The following DGKI variants were observed in gnomAD, a reference collection of about 807,000 sequenced individuals.
DGKI encodes the protein DAG kinase iota.
Under a neutral mutation model 147.5 loss-of-function variants are expected in DGKI, and 55 were observed. The ratio of observed to expected loss-of-function variants is 0.37; its 90% CI spans 0.30 to 0.47. The LOEUF is 0.47. Ranked by LOEUF, DGKI falls within the 20% of genes least tolerant of loss-of-function variation. The pLI, the probability that DGKI is intolerant of heterozygous loss-of-function variation, is 1.00. For synonymous variants in DGKI, 469 were observed against 477.1 expected (o/e 0.98, Z 0.22); for missense variants, 1,007 against 1,323.8 (o/e 0.76, Z 3.71).
chr7:137,673,858 A>G (rs1398782942), intron 3 of DGKI, among the ~76,000 whole-genome samples: 1 of 152,354 alleles, frequency 6.6e-6, no homozygotes, highest in African/African-American at 2.4e-5. Flanking sequence ...ACATGTTTGT[A>G]TAGCCTAGCC....
intron 1 of DGKI, among the ~76,000 whole-genome samples, chr7:137,802,257 G>A (rs749965608): frequency 2.6e-5 from 4 of 152,126 alleles, no homozygotes; most frequent in Non-Finnish European, 4.4e-5. Context: ...AGGTGGATGA[G>A]GGATAAAAGA....
At chr7:137,582,335 C>T (rs891611594) in intron 14 of DGKI, among the ~76,000 whole-genome samples, 10 of 151,386 alleles carry the variant, frequency 6.6e-5, no homozygotes, top group African/African-American at 2.4e-4. Flanking sequence ...AGTGGATGTG[C>T]GTTTTTCAAG....
At chr7:137,817,402 C>T (rs138037285) in intron 1 of DGKI, among the ~76,000 whole-genome samples, 2,253 of 152,282 alleles carry the variant, frequency 0.015, 73 homozygotes, top group African/African-American at 0.051. Context: ...TTAGAGGCCA[C>T]AAGATATATA....
At chr7:137,802,967 G>C (rs1797260493) in intron 1 of DGKI, among the ~76,000 whole-genome samples, 1 of 152,010 alleles carries the variant, frequency 6.6e-6, no homozygotes, top group Admixed American at 6.5e-5. Flanking sequence ...TAGTTTAGGA[G>C]GTAAAATAAG....
rs1563126028 is a variant in DGKI, at chr7:137,638,632, G to GTATATGTACACATATATGTA, written c.804+6839_804+6840insTACATATATGTGTACATATA. 9.5e-5 allele frequency among the ~76,000 whole-genome samples: 3 copies of GTATATGTACACATATATGTA among 31,472 alleles called. 1 individual carries two copies. Among genetic ancestry groups the GTATATGTACACATATATGTA allele is most frequent in the African/African-American group, 2.0e-4 (1 of 4,956 alleles). The allele number at this position is 31,472 out of a possible 152,430, so 20.6% of individuals were successfully genotyped here. A position where few individuals can be genotyped will look rare whatever the true frequency, so the allele number is the denominator to read the frequency against. On this transcript the variant is annotated intron_variant, in intron 6 of 32. Transcript: ENST00000614521. Reference sequence around the variant, plus strand: ...TATATACACACACACATATATATGTGTGTATATATGTGTATGTATATACAC... The same window carrying GTATATGTACACATATATGTA: ...TATATACACACACACATATATATGTGTATATGTACACATATATGTATGTATATATGTGTATGTATATACAC...
At chr7:137,444,594 G>GT (rs1224488607) in intron 27 of DGKI, among the ~76,000 whole-genome samples, 2 of 152,220 alleles carry the variant, frequency 1.3e-5, no homozygotes, top group Non-Finnish European at 2.9e-5. Flanking sequence ...GGAATTTAAT[G>GT]TTTGAGTGAG....
chr7:137,731,665 C>T (rs544211954), intron 1 of DGKI, among the ~76,000 whole-genome samples: 1 of 152,194 alleles, frequency 6.6e-6, no homozygotes, highest in African/African-American at 2.4e-5. Flanking sequence ...TGCATTCTTG[C>T]CCTTGCCTGA....
intron 6 of DGKI, among the ~76,000 whole-genome samples, chr7:137,635,130 G>C (rs1354205276): frequency 6.6e-6 from 1 of 152,152 alleles, no homozygotes; most frequent in Non-Finnish European, 1.5e-5. Flanking sequence ...ACACAACGCA[G>C]GTACCATACT....
chr7:137,786,032 G>A (rs1304712129), intron 1 of DGKI, among the ~76,000 whole-genome samples: 1 of 152,138 alleles, frequency 6.6e-6, no homozygotes, highest in East Asian at 1.9e-4. Context: ...ATGGGGAAAA[G>A]TTGAAAGCAT....
chr7:137,738,984 C>T (rs1795100443), intron 1 of DGKI, among the ~76,000 whole-genome samples: 1 of 152,120 alleles, frequency 6.6e-6, no homozygotes, highest in Admixed American at 6.6e-5. Flanking sequence ...ACCTCCTCTA[C>T]CTAATGAAAA....
At chr7:137,524,506 G>GA (rs1236867438) in intron 20 of DGKI, among the ~76,000 whole-genome samples, 1 of 152,054 alleles carries the variant, frequency 6.6e-6, no homozygotes, top group African/African-American at 2.4e-5. Context: ...AAGTAGGGAG[G>GA]AAAAAATTTA....
At chr7:137,745,490 T>C (rs890029810) in intron 1 of DGKI, among the ~76,000 whole-genome samples, 1 of 152,216 alleles carries the variant, frequency 6.6e-6, no homozygotes. Flanking sequence ...ATGACTAGCA[T>C]GATAAAATTT....
intron 2 of DGKI, among the ~76,000 whole-genome samples, chr7:137,687,925 A>T (rs1385193780): frequency 6.6e-6 from 1 of 152,052 alleles, no homozygotes; most frequent in Non-Finnish European, 1.5e-5. Flanking sequence ...CTAGGCACAA[A>T]CCCAGCCTTC....
chr7:137,839,295 C>T (rs764621603), intron 1 of DGKI, among the ~76,000 whole-genome samples: 20 of 152,186 alleles, frequency 1.3e-4, no homozygotes, highest in Non-Finnish European at 2.4e-4. Flanking sequence ...ATATTCTATA[C>T]CTTAAAGAAT....
chr7:137,584,291 A>T (rs1819308562), intron 14 of DGKI, among the ~76,000 whole-genome samples: 1 of 152,166 alleles, frequency 6.6e-6, no homozygotes. Context: ...TTACACATAC[A>T]GAGTTTAAAA....
intron 6 of DGKI, among the ~76,000 whole-genome samples, chr7:137,638,625 T>TATGC (rs1224010428): frequency 4.2e-4 from 1 of 2,354 alleles, no homozygotes; most frequent in African/African-American, 2.2e-3. Flanking sequence ...CACACACATA[T>TATGC]ATATGTGTGT....
Position 137,737,382 on chromosome 7 carries a change from T to C in DGKI, c.402-47380A>G, listed in dbSNP as rs558989142. 3.2e-4 allele frequency among the ~76,000 whole-genome samples: 49 copies of C among 152,160 alleles called. No homozygotes were observed. The South Asian group carries it at 9.3e-3, about 29-fold the overall frequency. ...TTGCAGAAATTGAATCTGCATTCTA[T>C]TCATAATATAAAGGCAAATCTGTTC... On this transcript the variant is annotated intron_variant, in intron 1 of 32. Coordinates refer to ENST00000614521, the MANE Select transcript of DGKI (RefSeq NM_001321708.2).
intron 20 of DGKI, among the ~76,000 whole-genome samples, chr7:137,546,980 C>A (rs1047163346): frequency 6.6e-6 from 1 of 152,126 alleles, no homozygotes; most frequent in East Asian, 1.9e-4. Flanking sequence ...TTGGATGAAA[C>A]GATCATCTTT....
chr7:137,438,245 A>G (rs1000800329), intron 28 of DGKI, among the ~76,000 whole-genome samples: 1 of 152,142 alleles, frequency 6.6e-6, no homozygotes, highest in African/African-American at 2.4e-5. Context: ...ACAACCAACC[A>G]GGTGGGGAAA....
Sources: allele counts gnomAD v4.1 joint callset (sites outside exome capture counted in the v4.1 genomes callset), GRCh38; gene constraint gnomAD v4.1.1; transcripts MANE v1.5; gene names NCBI Gene and HGNC (gene_info 2026-07-23, HGNC 2026-07-21).